The following AZIN2 variants were observed in gnomAD, a reference collection of about 807,000 sequenced individuals.
The protein encoded by AZIN2 is antizyme inhibitor 2.
In AZIN2, 28 loss-of-function variants were observed where a neutral mutation model predicts 47.8. The ratio of observed to expected loss-of-function variants is 0.59; its 90% confidence interval spans 0.43 to 0.80. AZIN2 has a LOEUF of 0.80. AZIN2 is among the 30% of genes least tolerant of loss of function. The probability of loss-of-function intolerance (pLI) is 0.00; values close to 1 mark genes in which losing one functional copy is unlikely to be tolerated. For missense variants in AZIN2, 535 were observed against 582.5 expected, an observed-to-expected ratio of 0.92 and a Z score of 0.84; for synonymous variants, 221 against 239.4, an observed-to-expected ratio of 0.92 and a Z score of 0.71.
Position 33,117,912 on chromosome 1 carries a change from C to CGGAGCAGCCCCTGTACA in AZIN2, c.1042_1058dup (p.Ser353ArgfsTer32). ...CCCTTCTTCCTACAGAAACCATCCA[C>CGGAGCAGCCCCTGTACA]GGAGCAGCCCCTGTACAGCAGCAGC... On this transcript the variant is annotated frameshift_variant, in exon 11 of 12. Transcript: ENST00000294517. LOFTEE classifies it high-confidence loss of function. 6.2e-7 allele frequency: 1 copy of CGGAGCAGCCCCTGTACA among 1,614,230 alleles called. No individual in the cohort carries two copies. Among genetic ancestry groups the CGGAGCAGCCCCTGTACA allele is most frequent in the Non-Finnish European group, 8.5e-7 (1 of 1,180,024 alleles).
At chr1:33,107,608 A>T (rs1360138933) in intron 10 of AZIN2, among the ~76,000 whole-genome samples, 1 of 152,108 alleles carries the variant, frequency 6.6e-6, no homozygotes. Flanking sequence ...CAAACAAAAA[A>T]ACTCTAAAGA....
intron 8 of AZIN2, among the ~76,000 whole-genome samples, chr1:33,096,472 T>C (rs898465308): frequency 1.3e-5 from 2 of 152,192 alleles, no homozygotes; most frequent in East Asian, 3.8e-4. Flanking sequence ...CTTCCCATTG[T>C]GGGGCCATGG....
chr1:33,088,870 C>A (rs1241289768), intron 5 of AZIN2, among the ~76,000 whole-genome samples: 1 of 152,180 alleles, frequency 6.6e-6, no homozygotes, highest in Non-Finnish European at 1.5e-5. Flanking sequence ...CTTTTTCTTC[C>A]CAGCTCTTAA....
rs1226876196 is a variant in AZIN2 at position 33,117,327 on chromosome 1, A to G, written c.1030-575A>G. ...TTGTGGGGCCTGGCATGGAGTGAGGACATCTGGGAGGGCTTCATAGACGAG... is the reference window on the plus strand; with the variant it reads ...TTGTGGGGCCTGGCATGGAGTGAGGGCATCTGGGAGGGCTTCATAGACGAG... On this transcript the variant is annotated intron_variant, in intron 10 of 11. Transcript: ENST00000294517. 2.6e-5 allele frequency among the ~76,000 whole-genome samples: 4 copies of G among 152,150 alleles called. No individual in the cohort carries two copies. In the East Asian group the frequency reaches 7.8e-4, roughly 29 times the overall value.
At chr1:33,107,667 A>G (rs1644081446) in intron 10 of AZIN2, among the ~76,000 whole-genome samples, 1 of 152,246 alleles carries the variant, frequency 6.6e-6, no homozygotes, top group South Asian at 2.1e-4. Flanking sequence ...ATTAGAAGAT[A>G]CAAAGTTAAC....
chr1:33,102,813 T>G (rs1267075574), intron 10 of AZIN2, among the ~76,000 whole-genome samples: 3 of 152,154 alleles, frequency 2.0e-5, no homozygotes, highest in Non-Finnish European at 4.4e-5. Context: ...CGCTTGAGAT[T>G]CCTACTGGGA....
chr1:33,162,426 T>C, the AZIN2 span, among the ~76,000 whole-genome samples: 1 of 152,208 alleles, frequency 6.6e-6, no homozygotes, highest in African/African-American at 2.4e-5. Flanking sequence ...CCAGAGCCTT[T>C]TGTCAACAGT....
intron 10 of AZIN2, among the ~76,000 whole-genome samples, chr1:33,109,764 A>G (rs1456039967): frequency 6.6e-6 from 1 of 151,662 alleles, no homozygotes; most frequent in East Asian, 1.9e-4. Context: ...ACCTTCTAAC[A>G]TACTATATAA....
At position 33,081,411 on chromosome 1, in the gene AZIN2, C is replaced by G. The variant is rs980359877; in HGVS notation, c.-382C>G. The G allele has an allele frequency of 1.3e-5, 2 of 152,986 alleles. No individual in the cohort carries two copies. Among genetic ancestry groups the G allele is most frequent in the African/African-American group, 4.8e-5 (2 of 41,442 alleles). The allele number at this position is 152,986 out of a possible 1,614,324, so 9.5% of individuals were successfully genotyped here. On this transcript the variant is annotated 5_prime_UTR_variant, in exon 2 of 12. Transcript: ENST00000294517. The surrounding 1 kb of genome is among the most constrained non-coding windows in gnomAD (Gnocchi z 4.2). ...AGCAGAGGCCTCGGCTCCGCAACTG[C>G]CACTCCTCCTCGGGGTGTTGCACAA...
rs199786405 is a variant in AZIN2 at position 33,120,225 on chromosome 1, G to A, written c.*43G>A. 126 of 1,564,026 alleles carry A rather than the reference G, an allele frequency of 8.1e-5. No homozygotes were observed. Among genetic ancestry groups the A allele is most frequent in the Admixed American group, 5.2e-5 (3 of 57,420 alleles). ...CGGAGAATCCCAGCGGGGCCTCAGAGATGCATCTGGGAGAGGTGGGGAAGA... is the reference window on the plus strand; with the variant it reads ...CGGAGAATCCCAGCGGGGCCTCAGAAATGCATCTGGGAGAGGTGGGGAAGA... On this transcript the variant is annotated 3_prime_UTR_variant, in exon 12 of 12. Transcript: ENST00000294517.
the AZIN2 span, among the ~76,000 whole-genome samples, chr1:33,132,204 C>G: frequency 6.6e-6 from 1 of 152,232 alleles, no homozygotes; most frequent in East Asian, 1.9e-4. Flanking sequence ...TTTTCCCACC[C>G]TTACCCTCCA....
the AZIN2 span, among the ~76,000 whole-genome samples, chr1:33,150,825 C>A: frequency 6.6e-6 from 1 of 152,092 alleles, no homozygotes; most frequent in Admixed American, 6.5e-5. Context: ...TGGGCCACCC[C>A]TATGACAGTG....
chr1:33,166,315 C>G, the AZIN2 span: 6 of 151,996 alleles, frequency 3.9e-5, no homozygotes, highest in African/African-American at 1.5e-4. Flanking sequence ...CTTGAATCAT[C>G]CTGAAACCAT....
chr1:33,099,222 C>G (rs1411110850), intron 10 of AZIN2, among the ~76,000 whole-genome samples: 2 of 152,158 alleles, frequency 1.3e-5, no homozygotes, highest in Non-Finnish European at 2.9e-5. Context: ...AAAATCAACT[C>G]CACTTTGTGG....
At chr1:33,094,076 A>G (rs1401186335) in intron 7 of AZIN2, among the ~76,000 whole-genome samples, 1 of 152,130 alleles carries the variant, frequency 6.6e-6, no homozygotes, top group Admixed American at 6.5e-5. Context: ...GTAATAATGA[A>G]CTACCTAATG....
the AZIN2 span, among the ~76,000 whole-genome samples, chr1:33,152,763 G>C: frequency 7.2e-5 from 11 of 152,176 alleles, no homozygotes; most frequent in African/African-American, 2.4e-4. Flanking sequence ...CTGGGGCTCT[G>C]AGAGGGGAGT....
chr1:33,146,074 TG>T, the AZIN2 span: 1 of 352,198 alleles, frequency 2.8e-6, no homozygotes, highest in Non-Finnish European at 5.7e-6. Flanking sequence ...TTCCTGCAGA[TG>T]GGGGCAGCTT....
chr1:33,093,217 G>A (rs1378071843), intron 6 of AZIN2, 65 bp from the exon 7 acceptor site: 1 of 1,599,422 alleles, frequency 6.3e-7, no homozygotes, highest in South Asian at 1.1e-5. Flanking sequence ...GCCCTTGATT[G>A]AGAGATGTGG....
At chr1:33,158,178 G>A in the AZIN2 span, 20 of 1,366,638 alleles carry the variant, frequency 1.5e-5, no homozygotes, top group East Asian at 2.3e-5. Flanking sequence ...GCCCCATGCT[G>A]TGTTTAGGAC....
Sources: gnomAD v4.1 joint callset for allele counts (sites outside exome capture counted in the v4.1 genomes callset) on GRCh38, gnomAD v4.1.1 for gene constraint, Gnocchi (gnomAD v3.1) non-coding constraint, MANE v1.5 for transcripts, NCBI Gene and HGNC (gene_info 2026-07-23, HGNC 2026-07-21) for gene names.